The following NAA35 variants were observed in gnomAD, a reference collection of about 807,000 sequenced individuals.
NAA35 encodes MAK10 homolog, amino-acid N-acetyltransferase subunit.
Under a neutral mutation model 101.7 loss-of-function variants are expected in NAA35, and 18 were observed. That is an observed-to-expected ratio of 0.18 (90% CI 0.12 to 0.26). The LOEUF is 0.26. Among genes scored for constraint, NAA35 ranks in the 10% least tolerant of loss-of-function variants. The pLI is 1.00. For missense variants in NAA35, 601 were observed against 886.8 expected, an observed-to-expected ratio of 0.68 and a Z score of 4.09; for synonymous variants, 267 against 273.1, an observed-to-expected ratio of 0.98 and a Z score of 0.22.
chr9:85,979,923 TC>T (rs1830365964), intron 11 of NAA35, among the ~76,000 whole-genome samples: 1 of 152,184 alleles, frequency 6.6e-6, no homozygotes, highest in Admixed American at 6.5e-5. Context: ...GGTTGACGGC[TC>T]AGTCCCCAAG....
intron 16 of NAA35, 72 bp from the exon 17 acceptor site, chr9:86,013,647 C>A: frequency 2.9e-6 from 4 of 1,390,620 alleles, no homozygotes; most frequent in South Asian, 1.4e-5. Flanking sequence ...TTTAGCTGTA[C>A]GTTTTTTTAA....
Position 85,942,210 on chromosome 9 carries a change from T to A in NAA35, c.51T>A (p.Ser17Arg), listed in dbSNP as rs753435532. 6.2e-7 allele frequency: 1 copy of A among 1,614,172 alleles called. No individual in the cohort carries two copies. Among genetic ancestry groups the A allele is most frequent in the South Asian group, 1.1e-5 (1 of 91,086 alleles). Residue 17 changes from serine to arginine, a missense_variant, in exon 2 of 23, where the codon AGT (serine) becomes AGA (arginine). Ser to Arg is a moderately radical substitution (Grantham distance 110). Transcript: ENST00000361671. Reference sequence around the variant, plus strand: ...ATGACGATTCAGGATGGGAGCTCAGTATGCCAGAAAAAATGGAGAAAAGCA... The same window carrying A: ...ATGACGATTCAGGATGGGAGCTCAGAATGCCAGAAAAAATGGAGAAAAGCA... ...VDDDDSGWEL[S>R]MPEKMEKSNT...
At position 86,024,253 on chromosome 9, in the gene NAA35, C is replaced by T. The variant is rs1832686399; in HGVS notation, c.*2293C>T. Among the ~76,000 whole-genome samples the T allele has an allele frequency of 6.6e-6, 1 of 152,130 alleles. No individual in the cohort carries two copies. The highest frequency in any genetic ancestry group is 2.1e-4 in the South Asian group (1 of 4,830). On this transcript the variant is annotated 3_prime_UTR_variant, in exon 23 of 23. Coordinates refer to ENST00000361671, the MANE Select transcript of NAA35 (RefSeq NM_024635.4). Reference sequence around the variant, plus strand: ...CCCCATCGCATCTATTCAGGAGGCACTGCTGGGAAAAGGGTCCCAGACAGA... The same window carrying T: ...CCCCATCGCATCTATTCAGGAGGCATTGCTGGGAAAAGGGTCCCAGACAGA...
intron 13 of NAA35, among the ~76,000 whole-genome samples, chr9:86,005,409 T>C (rs1831589631): frequency 1.3e-5 from 2 of 152,314 alleles, no homozygotes; most frequent in South Asian, 4.1e-4. Context: ...GACTAAATGG[T>C]TTCCTCCAAG....
intron 6 of NAA35, among the ~76,000 whole-genome samples, chr9:85,963,739 T>C (rs562581680): frequency 3.3e-5 from 5 of 152,174 alleles, no homozygotes; most frequent in Admixed American, 6.5e-5. Context: ...ATACTAGTAT[T>C]TTCAAAGTAC....
At chr9:86,010,503 GC>G in intron 15 of NAA35, among the ~76,000 whole-genome samples, 1 of 150,732 alleles carries the variant, frequency 6.6e-6, no homozygotes, top group South Asian at 2.1e-4. Context: ...TGGGAAAACA[GC>G]AGTTGCTTCC....
chr9:85,993,014 G>T (rs1438980989), intron 11 of NAA35, among the ~76,000 whole-genome samples: 2 of 152,024 alleles, frequency 1.3e-5, no homozygotes, highest in East Asian at 3.9e-4. Context: ...TATGTGAATG[G>T]ATAAGTTATG....
intron 9 of NAA35, among the ~76,000 whole-genome samples, chr9:85,977,130 CT>C (rs1366352839): frequency 2.6e-5 from 4 of 152,062 alleles, no homozygotes; most frequent in Admixed American, 2.6e-4. Flanking sequence ...TAAATTTTGA[CT>C]TAGGACAAGA....
At chr9:86,014,882 C>G (rs1307723678) in intron 17 of NAA35, among the ~76,000 whole-genome samples, 1 of 152,098 alleles carries the variant, frequency 6.6e-6, no homozygotes, top group African/African-American at 2.4e-5. Flanking sequence ...ATTTATATAG[C>G]TACTTTGGAT....
At chr9:86,019,204 AT>A (rs1324934060) in intron 21 of NAA35, among the ~76,000 whole-genome samples, 8 of 152,200 alleles carry the variant, frequency 5.3e-5, no homozygotes, top group African/African-American at 1.9e-4. Flanking sequence ...CACACCTGTA[AT>A]CTCAGCACTT....
intron 2 of NAA35, among the ~76,000 whole-genome samples, chr9:85,945,829 G>C (rs1430720649): frequency 2.0e-5 from 3 of 152,082 alleles, no homozygotes; most frequent in African/African-American, 4.8e-5. Context: ...TGACTCTGGT[G>C]ATTTTTTTAG....
intron 11 of NAA35, among the ~76,000 whole-genome samples, chr9:85,995,453 G>C (rs1831114134): frequency 6.6e-6 from 1 of 152,108 alleles, no homozygotes; most frequent in South Asian, 2.1e-4. Context: ...GTTGCTTAGG[G>C]AGAAAATACA....
chr9:85,984,332 AAAACAAAC>A (rs60598797), intron 11 of NAA35, among the ~76,000 whole-genome samples: 5 of 151,892 alleles, frequency 3.3e-5, no homozygotes, highest in Admixed American at 6.6e-5. Flanking sequence ...CTGTCTTTTT[AAAACAAAC>A]AAACAAACAA....
intron 6 of NAA35, among the ~76,000 whole-genome samples, chr9:85,964,239 T>A (rs192179435): frequency 6.6e-4 from 101 of 152,198 alleles, no homozygotes; most frequent in Middle Eastern, 6.8e-3. Flanking sequence ...CAGCTACTAT[T>A]AACATACTGT....
At chr9:86,008,712 T>A (rs1831758673) in intron 14 of NAA35, among the ~76,000 whole-genome samples, 1 of 152,258 alleles carries the variant, frequency 6.6e-6, no homozygotes, top group South Asian at 2.1e-4. Flanking sequence ...TATTGTGTGG[T>A]AGTCTAGTTG....
chr9:86,019,773 T>C lies in NAA35; in HGVS notation c.2037+952T>C, dbSNP rs180896737. Among the ~76,000 whole-genome samples, 272 of 152,356 alleles carry C rather than the reference T, an allele frequency of 1.8e-3. 1 individual carries two copies. The highest frequency in any genetic ancestry group is 2.9e-3 in the Non-Finnish European group (199 of 68,024). Reference sequence around the variant, plus strand: ...GTAGCTTAGCAGTGTTTGTCAAAAATCATTAATGCTTAGAGTCAGCAATTC... The same window carrying C: ...GTAGCTTAGCAGTGTTTGTCAAAAACCATTAATGCTTAGAGTCAGCAATTC... On this transcript the variant is annotated intron_variant, in intron 21 of 22. Transcript: ENST00000361671.
rs1302849373 is a variant in NAA35 at position 85,985,161 on chromosome 9, G to A, written c.877+6780G>A. 2.6e-5 allele frequency among the ~76,000 whole-genome samples: 4 copies of A among 152,180 alleles called. No homozygotes were observed. In the East Asian group the frequency reaches 7.7e-4, roughly 29 times the overall value. On this transcript the variant is annotated intron_variant, in intron 11 of 22. Coordinates refer to ENST00000361671, the MANE Select transcript of NAA35 (RefSeq NM_024635.4). The stretch of plus-strand genomic sequence containing the variant: ...AAAGATAATAAAAAGTGTTGGCAAG[G>A]ATGTGGAGAAACTGGAGCCCTAATA...
intron 17 of NAA35, among the ~76,000 whole-genome samples, chr9:86,015,256 A>T (rs918615549): frequency 2.0e-5 from 3 of 152,210 alleles, no homozygotes; most frequent in Non-Finnish European, 4.4e-5. Flanking sequence ...GTCTATATAC[A>T]TAAGTAGATT....
At chr9:86,016,179 G>T (rs1419417287) in intron 17 of NAA35, among the ~76,000 whole-genome samples, 1 of 151,822 alleles carries the variant, frequency 6.6e-6, no homozygotes, top group Non-Finnish European at 1.5e-5. Flanking sequence ...TTTTAAGAAT[G>T]ATTTTATATA....
Sources: allele counts gnomAD v4.1 joint callset (sites outside exome capture counted in the v4.1 genomes callset), GRCh38; gene constraint gnomAD v4.1.1; transcripts MANE v1.5; gene names NCBI Gene and HGNC (gene_info 2026-07-23, HGNC 2026-07-21).